The following ZSCAN2 variants were observed in gnomAD, a reference collection of about 807,000 sequenced individuals.
ZSCAN2 encodes zinc finger and SCAN domain-containing protein 2.
A neutral mutation model predicts 47.8 loss-of-function variants in ZSCAN2; 26 were observed. The observed-to-expected ratio is 0.54, with a 90% CI of 0.40 to 0.75. The LOEUF (loss-of-function observed/expected upper bound fraction) is 0.75, where lower values mean the gene tolerates loss of function less well. Among genes scored for constraint, ZSCAN2 ranks in the 30% least tolerant of loss-of-function variants. The pLI is 0.00. For missense variants in ZSCAN2, 732 were observed against 785.4 expected, an observed-to-expected ratio of 0.93 and a Z score of 0.81; for synonymous variants, 305 against 288.7, an observed-to-expected ratio of 1.06 and a Z score of -0.57.
rs1353846061 is a variant in ZSCAN2 at position 84,622,554 on chromosome 15, T to C, written c.*514T>C. ...CAGTTAGAATCTGCTCTTCTGGCTTTGGTGTCTTGGGCTTTGATTTCAGGT... is the reference window on the plus strand; with the variant it reads ...CAGTTAGAATCTGCTCTTCTGGCTTCGGTGTCTTGGGCTTTGATTTCAGGT... On this transcript the variant is annotated 3_prime_UTR_variant, in exon 3 of 3. Coordinates refer to ENST00000546148, the MANE Select transcript of ZSCAN2 (RefSeq NM_181877.4). The C allele has an allele frequency of 2.8e-6, 2 of 711,714 alleles. No homozygotes were observed. The highest frequency in any genetic ancestry group is 3.5e-5 in the African/African-American group (2 of 56,926). The allele number at this position is 711,714 out of a possible 1,614,324, so 44.1% of individuals were successfully genotyped here. A position where few individuals can be genotyped will look rare whatever the true frequency, so the allele number is the denominator to read the frequency against.
chr15:84,619,999 A>G (rs1251031151), intron 2 of ZSCAN2, among the ~76,000 whole-genome samples: 1 of 151,282 alleles, frequency 6.6e-6, no homozygotes, highest in Non-Finnish European at 1.5e-5. Flanking sequence ...GGTTTGCTAC[A>G]AAGGTAAATG....
chr15:84,601,576 C>G (rs1341751413), intron 1 of ZSCAN2, among the ~76,000 whole-genome samples: 1 of 152,104 alleles, frequency 6.6e-6, no homozygotes, highest in Non-Finnish European at 1.5e-5. Flanking sequence ...AGTAAATACA[C>G]GTTGAGAGCT....
intron 2 of ZSCAN2, among the ~76,000 whole-genome samples, chr15:84,618,160 G>A (rs1895737323): frequency 6.6e-6 from 1 of 152,118 alleles, no homozygotes; most frequent in Non-Finnish European, 1.5e-5. Context: ...GCTCACACCT[G>A]TAATCCCAGC....
In ZSCAN2 at chr15:84,623,441, C is replaced by T. The variant is rs1176705394; in HGVS notation, c.*1401C>T. The T allele has an allele frequency of 5.8e-6, 1 of 172,794 alleles. No homozygotes were observed. Among genetic ancestry groups the T allele is most frequent in the Non-Finnish European group, 1.4e-5 (1 of 70,836 alleles). 10.7% of individuals were successfully genotyped at this position (172,794 alleles called of 1,614,324 possible). On this transcript the variant is annotated 3_prime_UTR_variant, in exon 3 of 3. Coordinates refer to ENST00000546148, the MANE Select transcript of ZSCAN2 (RefSeq NM_181877.4). ...TTAACTTTGAGGACATATCTGTTCC[C>T]TGGAGATATTTGGGCTTGAATCAGG...
At chr15:84,615,220 C>T (rs1895663485) in intron 2 of ZSCAN2, among the ~76,000 whole-genome samples, 1 of 152,202 alleles carries the variant, frequency 6.6e-6, no homozygotes, top group Admixed American at 6.5e-5. Flanking sequence ...CCCCAAAGTC[C>T]TGGGATTACA....
At chr15:84,603,446 GC>G (rs528292141) in intron 1 of ZSCAN2, among the ~76,000 whole-genome samples, 9 of 149,546 alleles carry the variant, frequency 6.0e-5, no homozygotes, top group African/African-American at 1.2e-4. Context: ...TGTGCTCACT[GC>G]AACCTCCGCC....
intron 2 of ZSCAN2, among the ~76,000 whole-genome samples, chr15:84,609,927 A>G (rs1435108376): frequency 2.6e-5 from 4 of 152,204 alleles, no homozygotes; most frequent in Non-Finnish European, 5.9e-5. Flanking sequence ...AGTCTTCCCC[A>G]TGTTCATTCT....
At position 84,615,156 on chromosome 15, in the gene ZSCAN2, A is replaced by T. The variant is rs189950602; in HGVS notation, c.407-5446A>T. On this transcript the variant is annotated intron_variant, in intron 2 of 2. Transcript: ENST00000546148. The stretch of plus-strand genomic sequence containing the variant: ...TTTTTAGTAGAGACGGGGTTTCACC[A>T]TATTGGCCAGGCTGATCGTGAACTG... 4.2e-4 allele frequency among the ~76,000 whole-genome samples: 64 copies of T among 152,112 alleles called. No homozygotes were observed. In the East Asian group the frequency reaches 0.012, roughly 29 times the overall value.
rs768337706 is a variant in ZSCAN2 at position 84,621,060 on chromosome 15, C to G, written c.865C>G (p.Arg289Gly). 6.2e-7 allele frequency: 1 copy of G among 1,613,950 alleles called. No individual in the cohort carries two copies. The highest frequency in any genetic ancestry group is 1.7e-5 in the Admixed American group (1 of 59,978). ...KCRDCGKSFS[R>G]SANLITHQRI... ...CAGAGACTGTGGGAAGAGCTTTAGC[C>G]GGAGTGCCAACCTCATAACCCACCA... Residue 289 changes from arginine to glycine, a missense_variant, in exon 3 of 3, where the codon CGG becomes GGG. Arg to Gly is a moderately radical substitution (Grantham distance 125). This residue lies in a region of ZSCAN2 where 412 missense variants were observed against 498.0 expected (regional missense o/e 0.83). Transcript: ENST00000546148. This position sits in a 1 kb window ranked among gnomAD's most constrained non-coding sequence, Gnocchi z 5.7.
chr15:84,601,273 C>T (rs532453639), intron 1 of ZSCAN2, 138 bp downstream of exon 1: 2 of 152,210 alleles, frequency 1.3e-5, no homozygotes, highest in African/African-American at 4.8e-5. Flanking sequence ...TCCTGCGGGC[C>T]CTGCAGCCCC....
chr15:84,605,163 T>C (rs1163476834), intron 2 of ZSCAN2, among the ~76,000 whole-genome samples: 1 of 152,230 alleles, frequency 6.6e-6, no homozygotes, highest in Non-Finnish European at 1.5e-5. Context: ...CTCTTTGCAA[T>C]AGTTACTCTA....
rs112731123 is a variant in ZSCAN2, at chr15:84,601,486, T to C, written c.-109+351T>C. On this transcript the variant is annotated intron_variant, in intron 1 of 2. Coordinates refer to ENST00000546148, the MANE Select transcript of ZSCAN2 (RefSeq NM_181877.4). ...GCCCCAAGTCAGACCGCAAATTAGC[T>C]GACCTGGCACACTTTTCCCAGGCTC... Among the ~76,000 whole-genome samples the C allele has an allele frequency of 6.3e-3, 964 of 152,294 alleles. 9 individuals are homozygous for C. The highest frequency in any genetic ancestry group is 0.022 in the African/African-American group (910 of 41,556).
At chr15:84,619,926 G>GTTTTTTTTTTTTTTTTTTT (rs1567012471) in intron 2 of ZSCAN2, among the ~76,000 whole-genome samples, 1 of 28,672 alleles carries the variant, frequency 3.5e-5, no homozygotes. Flanking sequence ...AGCCTGGGTT[G>GTTTTTTTTTTTTTTTTTTT]GTTTTTTTTT....
chr15:84,618,145 C>T (rs577842020), intron 2 of ZSCAN2, among the ~76,000 whole-genome samples: 11 of 152,184 alleles, frequency 7.2e-5, no homozygotes, highest in East Asian at 3.9e-4. Context: ...AGTTCGAGCG[C>T]GATAGCTCAC....
At chr15:84,611,238 G>T (rs961636333) in intron 2 of ZSCAN2, among the ~76,000 whole-genome samples, 1 of 151,948 alleles carries the variant, frequency 6.6e-6, no homozygotes, top group Non-Finnish European at 1.5e-5. Flanking sequence ...CAGAGATCAC[G>T]CCACTGCACT....
intron 1 of ZSCAN2, among the ~76,000 whole-genome samples, chr15:84,603,584 C>T (rs909488743): frequency 5.3e-5 from 8 of 151,858 alleles, no homozygotes; most frequent in African/African-American, 1.2e-4. Context: ...TCAGGTGATC[C>T]GCCCACCTCG....
Position 84,604,137 on chromosome 15 carries a change from C to G in ZSCAN2, c.210C>G (p.Thr70=). 2 of 1,613,784 alleles carry G rather than the reference C, an allele frequency of 1.2e-6. No homozygotes were observed. The highest frequency in any genetic ancestry group is 2.2e-5 in the South Asian group (2 of 91,054). ...AGKGGPQEEV[T]RGPQGALGRL... is the part of the protein sequence containing the mutation. ...AGGGCGGCCCCCAGGAGGAGGTGAC[C>G]AGGGGACCACAGGGTGCACTCGGCC... The change falls in exon 2 of 3, where the codon ACC becomes ACG. Residue 70 remains threonine, a synonymous_variant. Transcript: ENST00000546148.
intron 2 of ZSCAN2, among the ~76,000 whole-genome samples, chr15:84,609,377 C>T (rs1308219923): frequency 6.7e-6 from 1 of 149,892 alleles, no homozygotes; most frequent in African/African-American, 2.5e-5. Flanking sequence ...GGCTGGAGTG[C>T]ACTGGTGTGA....
Position 84,601,113 on chromosome 15 carries a change from A to G in ZSCAN2, c.-131A>G, listed in dbSNP as rs545944315. The G allele has an allele frequency of 1.3e-5, 2 of 152,634 alleles. No individual in the cohort carries two copies. The highest frequency in any genetic ancestry group is 3.9e-4 in the East Asian group (2 of 5,168). 9.5% of individuals were successfully genotyped at this position (152,634 alleles called of 1,614,324 possible). On this transcript the variant is annotated 5_prime_UTR_variant, in exon 1 of 3. Coordinates refer to ENST00000546148, the MANE Select transcript of ZSCAN2 (RefSeq NM_181877.4). Reference sequence around the variant, plus strand: ...CTTTCGCACGCGAAGCAACCGCTAGAGCAGGACCTGGTCTCCCGAGAGGTG... The same window carrying G: ...CTTTCGCACGCGAAGCAACCGCTAGGGCAGGACCTGGTCTCCCGAGAGGTG...
Sources: allele counts gnomAD v4.1 joint callset (sites outside exome capture counted in the v4.1 genomes callset), GRCh38; gene constraint gnomAD v4.1.1; regional missense constraint gnomAD v4.1.1; non-coding constraint Gnocchi (gnomAD v3.1); transcripts MANE v1.5; gene names NCBI Gene and HGNC (gene_info 2026-07-23, HGNC 2026-07-21).